Variants in KALRN observed in about 807,000 individuals in gnomAD.
The protein encoded by KALRN is kalirin RhoGEF kinase, also known as kalirin.
Under a neutral mutation model 353.7 loss-of-function variants are expected in KALRN, and 70 were observed. The ratio of observed to expected loss-of-function variants is 0.20; its 90% CI spans 0.16 to 0.24. The LOEUF is 0.24. Ranked by LOEUF, KALRN falls within the 10% of genes least tolerant of loss-of-function variation. The pLI is 1.00. For synonymous variants in KALRN, 1,391 were observed against 1,434.8 expected, an observed-to-expected ratio of 0.97 and a Z score of 0.69; for missense variants, 2,791 against 3,756.7, an observed-to-expected ratio of 0.74 and a Z score of 6.72.
chr3:124,637,778 G>A (rs955341781), intron 37 of KALRN, among the ~76,000 whole-genome samples: 1 of 152,196 alleles, frequency 6.6e-6, no homozygotes, highest in Non-Finnish European at 1.5e-5. Context: ...ATGGGCAAAA[G>A]TGTGTGGATA....
rs972081928 is a variant in KALRN at position 124,033,749 on chromosome 3, C to A, written c.9C>A (p.Pro3=). 6.6e-6 allele frequency among the ~76,000 whole-genome samples: 1 copy of A among 152,048 alleles called. No homozygotes were observed. The highest frequency in any genetic ancestry group is 2.4e-5 in the African/African-American group (1 of 41,420). The change falls in exon 1 of 60, where the codon CCC becomes CCA. Residue 3 remains proline (P), a synonymous_variant. Coordinates refer to ENST00000682506, the MANE Select transcript of KALRN (RefSeq NM_001388419.1). The surrounding 1 kb of genome is among the most constrained non-coding windows in gnomAD (Gnocchi z 6.2). ...GACGCCCTCCCACAGTCATGAACCC[C>A]CCTGAGGGAGCAGCGGAGGAAGGAG... The part of the protein sequence containing the change: MN[P]PEGAAEEGGA...
At chr3:124,195,165 C>T (rs532294334) in intron 1 of KALRN, among the ~76,000 whole-genome samples, 1 of 152,234 alleles carries the variant, frequency 6.6e-6, no homozygotes, top group African/African-American at 2.4e-5. Flanking sequence ...TCAGAGGGTG[C>T]AAAGACATTT....
intron 1 of KALRN, among the ~76,000 whole-genome samples, chr3:124,167,610 G>A (rs939898703): frequency 7.9e-5 from 12 of 152,140 alleles, no homozygotes; most frequent in African/African-American, 2.4e-4. Context: ...TTTTTATCAC[G>A]TAATTCTTTC....
chr3:124,376,398 G>A (rs760079288), intron 10 of KALRN, among the ~76,000 whole-genome samples: 11 of 152,110 alleles, frequency 7.2e-5, no homozygotes, highest in Non-Finnish European at 1.6e-4. Context: ...TTGTAATGTG[G>A]TGGGTCAAAC....
At chr3:124,126,398 C>A (rs1050889532) in intron 1 of KALRN, among the ~76,000 whole-genome samples, 1 of 152,064 alleles carries the variant, frequency 6.6e-6, no homozygotes, top group African/African-American at 2.4e-5. Context: ...GAAATTTTTG[C>A]AAAGTCTGAG....
chr3:124,561,137 C>T (rs2071951458), intron 33 of KALRN, among the ~76,000 whole-genome samples: 1 of 152,158 alleles, frequency 6.6e-6, no homozygotes, highest in Non-Finnish European at 1.5e-5. Context: ...ATTTTGCTAA[C>T]TGTAAAAGTA....
rs77441098 is a variant in KALRN at position 124,346,547 on chromosome 3, C to T, written c.1648-596C>T. Reference sequence around the variant, plus strand: ...GTTTGTTTGGTTGGTTGGTTGGTATCGATTGGAGGAGGGAGATGGAAAGAA... The same window carrying T: ...GTTTGTTTGGTTGGTTGGTTGGTATTGATTGGAGGAGGGAGATGGAAAGAA... On this transcript the variant is annotated intron_variant, in intron 9 of 59. Coordinates refer to ENST00000682506, the MANE Select transcript of KALRN (RefSeq NM_001388419.1). 5.4e-3 allele frequency among the ~76,000 whole-genome samples: 827 copies of T among 152,204 alleles called. 3 individuals are homozygous for T. The highest frequency in any genetic ancestry group is 8.2e-3 in the Non-Finnish European group (558 of 68,006).
At chr3:124,622,584 G>A (rs544210474) in intron 34 of KALRN, among the ~76,000 whole-genome samples, 24 of 152,198 alleles carry the variant, frequency 1.6e-4, no homozygotes, top group African/African-American at 2.4e-4. Context: ...TGGAAGCCTC[G>A]GATGCCACCT....
At position 124,360,239 on chromosome 3, in the gene KALRN, G is replaced by T. The variant is rs73858428; in HGVS notation, c.1770+12974G>T. On this transcript the variant is annotated intron_variant, in intron 10 of 59. Coordinates refer to ENST00000682506, the MANE Select transcript of KALRN (RefSeq NM_001388419.1). Reference sequence around the variant, plus strand: ...AGGTAATGGCTGGCTCTTAGGAACAGGACAAAATTGTGGTTATGGAAACTG... The same window carrying T: ...AGGTAATGGCTGGCTCTTAGGAACATGACAAAATTGTGGTTATGGAAACTG... 5.1e-3 allele frequency among the ~76,000 whole-genome samples: 779 copies of T among 152,308 alleles called. 14 individuals are homozygous for T. Among genetic ancestry groups the T allele is most frequent in the African/African-American group, 0.018 (741 of 41,568 alleles).
chr3:124,382,655 A>C (rs140991442), intron 10 of KALRN, among the ~76,000 whole-genome samples: 2,339 of 152,276 alleles, frequency 0.015, 38 homozygotes, highest in African/African-American at 0.044. Flanking sequence ...TGACTTTGCC[A>C]CAAATTTTTA....
chr3:124,213,860 G>A (rs2077093310), intron 1 of KALRN, among the ~76,000 whole-genome samples: 1 of 152,176 alleles, frequency 6.6e-6, no homozygotes, highest in Non-Finnish European at 1.5e-5. Context: ...ACATTGCAGA[G>A]TGAACAGCTG....
chr3:124,183,874 G>C (rs1253848018), intron 1 of KALRN, among the ~76,000 whole-genome samples: 2 of 152,162 alleles, frequency 1.3e-5, no homozygotes, highest in African/African-American at 2.4e-5. Flanking sequence ...AAATGTGTTG[G>C]AGAAGGACTG....
intron 33 of KALRN, among the ~76,000 whole-genome samples, chr3:124,546,955 C>T (rs996505321): frequency 3.9e-5 from 6 of 152,060 alleles, no homozygotes; most frequent in Non-Finnish European, 8.8e-5. Context: ...AATACTCACA[C>T]GGATTTGTTG....
At chr3:124,266,429 T>C (rs1013659383) in intron 4 of KALRN, among the ~76,000 whole-genome samples, 2 of 152,192 alleles carry the variant, frequency 1.3e-5, no homozygotes, top group African/African-American at 4.8e-5. Flanking sequence ...GAAAACATGT[T>C]TTTAAACTAA....
intron 3 of KALRN, among the ~76,000 whole-genome samples, chr3:124,249,961 T>C (rs1379127785): frequency 6.6e-6 from 1 of 152,052 alleles, no homozygotes; most frequent in Admixed American, 6.5e-5. Flanking sequence ...ACCCTGGCTG[T>C]GTGTCAGAGG....
intron 7 of KALRN, among the ~76,000 whole-genome samples, chr3:124,327,580 A>G (rs1428196653): frequency 6.6e-6 from 1 of 152,212 alleles, no homozygotes; most frequent in Non-Finnish European, 1.5e-5. Flanking sequence ...GTGTATATGT[A>G]ATATATAGTC....
At chr3:124,085,079 G>A (rs935250235) in intron 1 of KALRN, among the ~76,000 whole-genome samples, 1 of 152,186 alleles carries the variant, frequency 6.6e-6, no homozygotes, top group Non-Finnish European at 1.5e-5. Flanking sequence ...CCCACCTGAT[G>A]CATAAAACTC....
chr3:124,199,828 G>C (rs2075795853), intron 1 of KALRN, among the ~76,000 whole-genome samples: 1 of 152,138 alleles, frequency 6.6e-6, no homozygotes, highest in Admixed American at 6.6e-5. Context: ...GTGGAGTGAG[G>C]CAAGATAGAC....
At chr3:124,095,056 GA>G (rs2061352742) in intron 1 of KALRN, 2 of 753,756 alleles carry the variant, frequency 2.7e-6, no homozygotes, top group Admixed American at 2.2e-5. Context: ...CAAACCCATG[GA>G]AAGTAAAGAA....
Sources: allele counts gnomAD v4.1 joint callset (sites outside exome capture counted in the v4.1 genomes callset), GRCh38; gene constraint gnomAD v4.1.1; non-coding constraint Gnocchi (gnomAD v3.1); transcripts MANE v1.5; gene names NCBI Gene and HGNC (gene_info 2026-07-23, HGNC 2026-07-21).